The following C15orf40 variants were observed in gnomAD, a reference collection of about 807,000 sequenced individuals.
The protein encoded by C15orf40 is UPF0235 protein C15orf40.
In C15orf40, 9 loss-of-function variants were observed where a neutral mutation model predicts 13.9. The ratio of observed to expected loss-of-function variants is 0.65; its 90% CI spans 0.39 to 1.13. The LOEUF (loss-of-function observed/expected upper bound fraction) is 1.13. Among genes scored for constraint, C15orf40 ranks in the 50% most tolerant of loss-of-function variants. The pLI is 0.01. For synonymous variants in C15orf40, 95 were observed against 69.2 expected, an observed-to-expected ratio of 1.37 and a Z score of -1.85; for missense variants, 225 against 188.5, an observed-to-expected ratio of 1.19 and a Z score of -1.13.
rs921597233 is a variant in C15orf40, at chr15:83,011,583, T to C, written c.25A>G (p.Arg9Gly). The change falls in exon 1 of 4, where the codon AGG (arginine) becomes GGG (glycine). Residue 9 changes from arginine (R) to glycine (G), a missense_variant. Transcript: ENST00000304177. ...GTATTGGGTGTTGCCCGAAGGTGCC[T>C]CAGCCCGCTGCGGAGCCGCAGCATC... MLRLRSGL[R>G]HLRATPNTRG... The C allele has an allele frequency of 6.3e-6, 10 of 1,595,506 alleles. No individual in the cohort carries two copies. The Admixed American group carries it at 1.5e-4, about 24-fold the overall frequency.
chr15:83,010,024 A>G lies in C15orf40; in HGVS notation c.238+213T>C, dbSNP rs549275379. Among the ~76,000 whole-genome samples, 188 of 152,368 alleles carry G rather than the reference A, an allele frequency of 1.2e-3. 1 individual carries two copies. The highest frequency in any genetic ancestry group is 2.2e-3 in the Non-Finnish European group (153 of 68,044). ...ACTGTATTTTTAAAGAGGAAAATAT[A>G]CAATGGTTTTCGTGTAACTTGGCAT... On this transcript the variant is annotated intron_variant, in intron 2 of 3. Coordinates refer to ENST00000304177, the MANE Select transcript of C15orf40 (RefSeq NM_144597.3).
rs764727631 is a variant in C15orf40 at position 83,003,904 on chromosome 15, T to G, written c.*1693A>C. ...CTGAGATTACAGGCACCCACCACCA[T>G]GCCTGGCTAGTTTTTATATTTTTAG... On this transcript the variant is annotated 3_prime_UTR_variant, in exon 4 of 4. Coordinates refer to ENST00000304177, the MANE Select transcript of C15orf40 (RefSeq NM_144597.3). 1 of 152,042 alleles carries G rather than the reference T, an allele frequency of 6.6e-6. No individual in the cohort carries two copies. Among genetic ancestry groups the G allele is most frequent in the Non-Finnish European group, 1.5e-5 (1 of 68,028 alleles). The allele number at this position is 152,042 out of a possible 1,614,324, so 9.4% of individuals were successfully genotyped here. A position where few individuals can be genotyped will look rare whatever the true frequency, so the allele number is the denominator to read the frequency against.
At chr15:82,994,544 A>C (rs1385799228), downstream of C15orf40, among the ~76,000 whole-genome samples, 5 of 152,166 alleles carry the variant, frequency 3.3e-5, no homozygotes, top group African/African-American at 1.2e-4. Flanking sequence ...TTTTTAAATT[A>C]GGCAATATAG....
downstream of C15orf40, among the ~76,000 whole-genome samples, chr15:82,993,046 A>G (rs1361781612): frequency 6.6e-6 from 1 of 152,250 alleles, no homozygotes; most frequent in Non-Finnish European, 1.5e-5. Flanking sequence ...GTCTGTTGTA[A>G]TAACATATGG....
rs1395083039 is a variant in C15orf40, at chr15:82,998,036, C to T, written c.*7561G>A. On this transcript the variant is annotated 3_prime_UTR_variant, in exon 4 of 4. Coordinates refer to ENST00000304177, the MANE Select transcript of C15orf40 (RefSeq NM_144597.3). Reference sequence around the variant, plus strand: ...CTGACCCCCCCACCTCCCTCCCGGACGGGGCGGCTGACCCCCCATCTCCCT... The same window carrying T: ...CTGACCCCCCCACCTCCCTCCCGGATGGGGCGGCTGACCCCCCATCTCCCT... 2.8e-5 allele frequency: 4 copies of T among 141,672 alleles called. 1 individual carries two copies. The highest frequency in any genetic ancestry group is 7.5e-3 in the Middle Eastern group (2 of 266). 8.8% of individuals were successfully genotyped at this position (141,672 alleles called of 1,614,324 possible). A position where few individuals can be genotyped will look rare whatever the true frequency, so the allele number is the denominator to read the frequency against.
At position 82,998,221 on chromosome 15, in the gene C15orf40, A is replaced by ACCCCC. The variant is rs1382041636; in HGVS notation, c.*7371_*7375dup. 2 of 117,938 alleles carry ACCCCC rather than the reference A, an allele frequency of 1.7e-5. No individual in the cohort carries two copies. The highest frequency in any genetic ancestry group is 7.0e-5 in the African/African-American group (2 of 28,456). 7.3% of individuals were successfully genotyped at this position (117,938 alleles called of 1,614,324 possible). On this transcript the variant is annotated 3_prime_UTR_variant, in exon 4 of 4. Transcript: ENST00000304177. ...GCACGGCTGGCCAGGCGGGGGGCTG[A>ACCCCC]CCCCCCCACCTCCCTCCCGGATGGG...
In C15orf40 at chr15:83,000,184, C is replaced by T. The variant is rs568260464; in HGVS notation, c.*5413G>A. On this transcript the variant is annotated 3_prime_UTR_variant, in exon 4 of 4. Transcript: ENST00000304177. ...ATTTCCCAAAGGGACAGAATGTTCT[C>T]ACTAGCAGATCCCACTATACAGTCT... 5 of 152,350 alleles carry T rather than the reference C, an allele frequency of 3.3e-5. No individual in the cohort carries two copies. The highest frequency in any genetic ancestry group is 1.2e-4 in the African/African-American group (5 of 41,566). 9.4% of individuals were successfully genotyped at this position (152,350 alleles called of 1,614,324 possible). A position where few individuals can be genotyped will look rare whatever the true frequency, so the allele number is the denominator to read the frequency against.
intron 3 of C15orf40, chr15:83,007,765 C>A (rs909714167): frequency 1.3e-5 from 2 of 152,028 alleles, no homozygotes; most frequent in Admixed American, 6.6e-5. Context: ...GTGGTGGGCA[C>A]CTGTAATCCC....
downstream of C15orf40, chr15:82,990,044 C>T (rs201626883): frequency 7.3e-6 from 11 of 1,502,374 alleles, no homozygotes; most frequent in South Asian, 1.2e-5. Context: ...TTACAACCAG[C>T]GGCCTCCTTA....
At position 83,010,295 on chromosome 15, in the gene C15orf40, T is replaced by C; in HGVS notation, c.180A>G (p.Lys60=). 2 of 1,614,240 alleles carry C rather than the reference T, an allele frequency of 1.2e-6. No individual in the cohort carries two copies. Among genetic ancestry groups the C allele is most frequent in the Middle Eastern group, 3.3e-4 (2 of 6,062 alleles). ...CATGGATGGCTATGGTGACGCATCC[T>C]TTAGGATCAACTGCCACAGGACCTA... ...PPLGPVAVDP[K]GCVTIAIHAK... Residue 60 remains lysine, a synonymous_variant, in exon 2 of 4, where the codon AAA becomes AAG. Coordinates refer to ENST00000304177, the MANE Select transcript of C15orf40 (RefSeq NM_144597.3).
In C15orf40 at chr15:82,998,310, C is replaced by G. The variant is rs1234057378; in HGVS notation, c.*7287G>C. The stretch of plus-strand genomic sequence containing the variant: ...CCTCCCGGACGGGGTGGCTGCCGGG[C>G]GGAGACGCTCCTCACTTCCCAGATG... On this transcript the variant is annotated 3_prime_UTR_variant, in exon 4 of 4. Transcript: ENST00000304177. 1.4e-5 allele frequency: 2 copies of G among 144,826 alleles called. No homozygotes were observed. The highest frequency in any genetic ancestry group is 5.4e-5 in the African/African-American group (2 of 37,234). 9.0% of individuals were successfully genotyped at this position (144,826 alleles called of 1,614,324 possible).
intron 3 of C15orf40, chr15:83,006,342 A>C: frequency 2.2e-6 from 2 of 929,356 alleles, no homozygotes; most frequent in Non-Finnish European, 2.6e-6. Context: ...TAAACTTTGT[A>C]GTAAAATAAT....
Position 83,000,191 on chromosome 15 carries a change from A to C in C15orf40, c.*5406T>G, listed in dbSNP as rs1333270476. 6.6e-6 allele frequency: 1 copy of C among 152,246 alleles called. No homozygotes were observed. The highest frequency in any genetic ancestry group is 2.4e-5 in the African/African-American group (1 of 41,460). 9.4% of individuals were successfully genotyped at this position (152,246 alleles called of 1,614,324 possible). A position where few individuals can be genotyped will look rare whatever the true frequency, so the allele number is the denominator to read the frequency against. ...AAAGGGACAGAATGTTCTCACTAGC[A>C]GATCCCACTATACAGTCTATTTGGC... On this transcript the variant is annotated 3_prime_UTR_variant, in exon 4 of 4. Coordinates refer to ENST00000304177, the MANE Select transcript of C15orf40 (RefSeq NM_144597.3).
At chr15:82,991,913 G>A (rs1457538280), downstream of C15orf40, 3 of 1,288,980 alleles carry the variant, frequency 2.3e-6, no homozygotes, top group South Asian at 2.5e-5. Context: ...GAAAGCAGAA[G>A]TGTTATCAAA....
chr15:83,009,106 T>A (rs1261961299), intron 2 of C15orf40, among the ~76,000 whole-genome samples: 3 of 152,092 alleles, frequency 2.0e-5, no homozygotes, highest in African/African-American at 7.2e-5. Context: ...AACAGGAAAA[T>A]GAGAGCCCCG....
rs902324616 is a variant in C15orf40 at position 82,995,037 on chromosome 15, T to C, written c.*10560A>G. ...TCCTGACATCTGCTGTATTAAATTA[T>C]TATAGAATGAAATAAACAACTAGAT... On this transcript the variant is annotated 3_prime_UTR_variant, in exon 4 of 4. Transcript: ENST00000304177. 3.3e-5 allele frequency: 5 copies of C among 152,330 alleles called. No homozygotes were observed. The East Asian group carries it at 9.6e-4, about 29-fold the overall frequency. The allele number at this position is 152,330 out of a possible 1,614,324, so 9.4% of individuals were successfully genotyped here. A position where few individuals can be genotyped will look rare whatever the true frequency, so the allele number is the denominator to read the frequency against.
chr15:83,005,849 A>G (rs765121840), intron 3 of C15orf40, among the ~76,000 whole-genome samples, 157 bp from the exon 4 acceptor site: 14 of 152,170 alleles, frequency 9.2e-5, no homozygotes, highest in Non-Finnish European at 1.9e-4. Flanking sequence ...CCTTACTACC[A>G]TTTGTTACTA....
Position 82,997,759 on chromosome 15 carries a change from TCAC to T in C15orf40, c.*7835_*7837del, listed in dbSNP as rs2031173345. 10 of 143,140 alleles carry T rather than the reference TCAC, an allele frequency of 7.0e-5. No individual in the cohort carries two copies. The highest frequency in any genetic ancestry group is 6.7e-4 in the Admixed American group (9 of 13,486). The allele number at this position is 143,140 out of a possible 1,614,324, so 8.9% of individuals were successfully genotyped here. ...GGTGGTGGCCGGGCAGAGGGGCTCC[TCAC>T]TTCCCAGTAGGGGCGGCCGGGCAGA... is the stretch of plus-strand genomic sequence containing the variant. On this transcript the variant is annotated 3_prime_UTR_variant, in exon 4 of 4. Transcript: ENST00000304177.
chr15:82,992,672 G>C (rs2030911977), downstream of C15orf40, among the ~76,000 whole-genome samples: 1 of 152,184 alleles, frequency 6.6e-6, no homozygotes, highest in Non-Finnish European at 1.5e-5. Context: ...GCCAGCGCTG[G>C]AGGAGTACTT....
Sources: gnomAD v4.1 joint callset for allele counts (sites outside exome capture counted in the v4.1 genomes callset) on GRCh38, gnomAD v4.1.1 for gene constraint, MANE v1.5 for transcripts, NCBI Gene and HGNC (gene_info 2026-07-23, HGNC 2026-07-21) for gene names.